The following DCC variants were observed in gnomAD, a reference collection of about 807,000 sequenced individuals.
The protein encoded by DCC is netrin receptor DCC.
Under a neutral mutation model 172.5 loss-of-function variants are expected in DCC, and 58 were observed. The ratio of observed to expected loss-of-function variants is 0.34; its 90% CI spans 0.27 to 0.42. The LOEUF (loss-of-function observed/expected upper bound fraction) is 0.42. Among genes scored for constraint, DCC ranks in the 10% least tolerant of loss-of-function variants. The pLI is 1.00. For missense variants in DCC, 1,740 were observed against 1,791.0 expected, an observed-to-expected ratio of 0.97 and a Z score of 0.51; for synonymous variants, 709 against 644.5, an observed-to-expected ratio of 1.10 and a Z score of -1.52.
chr18:53,199,786 C>G (rs1019642260), intron 9 of DCC, among the ~76,000 whole-genome samples: 1 of 151,946 alleles, frequency 6.6e-6, no homozygotes, highest in South Asian at 2.1e-4. Context: ...CTATTTTGGT[C>G]TATTTCAGAG....
At chr18:52,783,686 G>T (rs1359880293) in intron 2 of DCC, among the ~76,000 whole-genome samples, 1 of 151,156 alleles carries the variant, frequency 6.6e-6, no homozygotes, top group African/African-American at 2.4e-5. Flanking sequence ...GTGTATATGT[G>T]TATGTATTAT....
chr18:52,839,874 A>G (rs565691453), intron 2 of DCC, among the ~76,000 whole-genome samples: 82 of 152,144 alleles, frequency 5.4e-4, no homozygotes, highest in Non-Finnish European at 9.3e-4. Context: ...TGAGTGTCAG[A>G]CTCATTTCAT....
intron 15 of DCC, among the ~76,000 whole-genome samples, chr18:53,382,554 T>C (rs1043487981): frequency 6.6e-6 from 1 of 152,130 alleles, no homozygotes; most frequent in Non-Finnish European, 1.5e-5. Context: ...TCATAAGCTA[T>C]ATCACATACT....
chr18:53,480,802 CAT>C, intron 25 of DCC: 1 of 152,254 alleles, frequency 6.6e-6, no homozygotes, highest in East Asian at 1.9e-4. Context: ...TAGCTATTAT[CAT>C]GTAACAAATT....
intron 14 of DCC, among the ~76,000 whole-genome samples, chr18:53,337,491 G>A (rs62098013): frequency 0.25 from 37,293 of 152,064 alleles, 6,138 homozygotes; most frequent in Non-Finnish European, 0.37. Context: ...GTTTATATTA[G>A]GAAATATTTC....
At chr18:52,869,244 G>T (rs1422006606) in intron 2 of DCC, among the ~76,000 whole-genome samples, 1 of 152,234 alleles carries the variant, frequency 6.6e-6, no homozygotes, top group African/African-American at 2.4e-5. Context: ...AAGATGAAAA[G>T]GAGTTTTATT....
intron 27 of DCC, among the ~76,000 whole-genome samples, chr18:53,516,929 C>T: frequency 6.9e-6 from 1 of 144,056 alleles, no homozygotes. Context: ...ACCATTTGAC[C>T]CAGCCATCCC....
rs35272485 is a variant in DCC, at chr18:52,716,908, CAG to C, written c.92-35145_92-35144del. Among the ~76,000 whole-genome samples, 823 of 152,252 alleles carry C rather than the reference CAG, an allele frequency of 5.4e-3. 5 individuals are homozygous for C. The highest frequency in any genetic ancestry group is 0.02 in the Middle Eastern group (6 of 294). ...AAAGATGGCCCTGAGGCATTAAAAA[CAG>C]GGAAGAGGATGGGCTCACAGATGGG... On this transcript the variant is annotated intron_variant, in intron 1 of 28. Coordinates refer to ENST00000442544, the MANE Select transcript of DCC (RefSeq NM_005215.4).
At chr18:52,506,049 G>T (rs2031218154) in intron 1 of DCC, among the ~76,000 whole-genome samples, 1 of 152,108 alleles carries the variant, frequency 6.6e-6, no homozygotes, top group Non-Finnish European at 1.5e-5. Context: ...TTATTAATGT[G>T]ATCATAGCAT....
intron 12 of DCC, among the ~76,000 whole-genome samples, chr18:53,250,790 AT>A (rs1346708172): frequency 2.6e-5 from 4 of 151,784 alleles, no homozygotes; most frequent in African/African-American, 4.8e-5. Context: ...TCTTTCCTTC[AT>A]AGCAATATTT....
intron 15 of DCC, among the ~76,000 whole-genome samples, chr18:53,349,073 A>G (rs1335984987): frequency 6.6e-6 from 1 of 152,190 alleles, no homozygotes; most frequent in African/African-American, 2.4e-5. Context: ...AAATTTTGCA[A>G]ACTTTTATGC....
intron 5 of DCC, among the ~76,000 whole-genome samples, chr18:52,929,956 G>C (rs149124786): frequency 2.1e-3 from 317 of 151,832 alleles, no homozygotes; most frequent in Middle Eastern, 6.8e-3. Flanking sequence ...CTTTGTGTGT[G>C]CCTGTGCACA....
chr18:52,859,903 G>A (rs183892930), intron 2 of DCC, among the ~76,000 whole-genome samples: 2 of 152,126 alleles, frequency 1.3e-5, no homozygotes, highest in East Asian at 3.9e-4. Flanking sequence ...AGATTAGATA[G>A]GCAAAGGAAG....
At chr18:52,544,719 T>A (rs537429341) in intron 1 of DCC, among the ~76,000 whole-genome samples, 1 of 152,086 alleles carries the variant, frequency 6.6e-6, no homozygotes, top group South Asian at 2.1e-4. Context: ...TATATGTAGA[T>A]ATAGATAGAT....
intron 5 of DCC, among the ~76,000 whole-genome samples, chr18:52,992,663 T>C (rs1258259643): frequency 2.0e-5 from 3 of 152,086 alleles, no homozygotes; most frequent in South Asian, 2.1e-4. Flanking sequence ...ACACAAGGTA[T>C]GTGATTTTAT....
chr18:53,325,988 G>A (rs1242815770), intron 14 of DCC, among the ~76,000 whole-genome samples: 2 of 152,118 alleles, frequency 1.3e-5, no homozygotes, highest in Non-Finnish European at 2.9e-5. Flanking sequence ...CATTTTTCAA[G>A]GAAATATTGC....
At chr18:52,844,942 A>C (rs977502086) in intron 2 of DCC, among the ~76,000 whole-genome samples, 1 of 152,346 alleles carries the variant, frequency 6.6e-6, no homozygotes, top group African/African-American at 2.4e-5. Flanking sequence ...ACTATGGGAA[A>C]TATTCTTTGG....
At chr18:52,931,550 T>C (rs1598943530) in intron 5 of DCC, among the ~76,000 whole-genome samples, 1 of 152,130 alleles carries the variant, frequency 6.6e-6, no homozygotes, top group Admixed American at 6.6e-5. Flanking sequence ...GAAAAGACAT[T>C]TTGTTGCCCT....
chr18:53,442,507 C>T (rs745605194), intron 22 of DCC, among the ~76,000 whole-genome samples: 1 of 152,152 alleles, frequency 6.6e-6, no homozygotes, highest in Non-Finnish European at 1.5e-5. Context: ...CTGTCTCTCT[C>T]CCCCTTTTGG....
Sources: gnomAD v4.1 joint callset for allele counts (sites outside exome capture counted in the v4.1 genomes callset) on GRCh38, gnomAD v4.1.1 for gene constraint, MANE v1.5 for transcripts, NCBI Gene and HGNC (gene_info 2026-07-23, HGNC 2026-07-21) for gene names.